The following TAFA1 variants were observed in gnomAD, a reference collection of about 807,000 sequenced individuals.
TAFA1 encodes TAFA chemokine like family member 1.
Under a neutral mutation model 18.5 loss-of-function variants are expected in TAFA1, and 4 were observed. The observed-to-expected ratio is 0.22, with a 90% CI of 0.11 to 0.49. The LOEUF (loss-of-function observed/expected upper bound fraction) is 0.49. TAFA1 is among the 20% of genes least tolerant of loss of function. TAFA1 has a pLI of 0.98. For synonymous variants in TAFA1, 56 were observed against 55.2 expected, an observed-to-expected ratio of 1.01 and a Z score of -0.06; for missense variants, 147 against 169.0, an observed-to-expected ratio of 0.87 and a Z score of 0.72.
At chr3:68,034,258 G>C (rs1704999061) in intron 2 of TAFA1, among the ~76,000 whole-genome samples, 1 of 152,172 alleles carries the variant, frequency 6.6e-6, no homozygotes, top group South Asian at 2.1e-4. Flanking sequence ...ATAGGATGCT[G>C]TTAACTATGA....
chr3:68,351,753 T>C (rs1446998850), intron 2 of TAFA1, among the ~76,000 whole-genome samples: 1 of 152,012 alleles, frequency 6.6e-6, no homozygotes, highest in Non-Finnish European at 1.5e-5. Context: ...ATTCCTCTGG[T>C]ATCATCTCCA....
intron 2 of TAFA1, among the ~76,000 whole-genome samples, chr3:68,319,125 G>T (rs1168660222): frequency 1.3e-5 from 2 of 152,258 alleles, no homozygotes; most frequent in Non-Finnish European, 1.5e-5. Context: ...ACATAAAAGA[G>T]ATAGTTATAA....
chr3:68,488,987 C>A (rs1263167732), intron 3 of TAFA1, among the ~76,000 whole-genome samples: 12 of 152,146 alleles, frequency 7.9e-5, no homozygotes, highest in Admixed American at 7.9e-4. Context: ...GAGCTAAGTG[C>A]TTTATTTTCA....
At chr3:68,488,567 G>A (rs2106675263) in intron 3 of TAFA1, among the ~76,000 whole-genome samples, 1 of 152,284 alleles carries the variant, frequency 6.6e-6, no homozygotes, top group Non-Finnish European at 1.5e-5. Flanking sequence ...TCCTATTTGG[G>A]TTCAAGTCCA....
intron 2 of TAFA1, among the ~76,000 whole-genome samples, chr3:68,301,759 G>A (rs4575904): frequency 6.6e-6 from 1 of 151,974 alleles, no homozygotes; most frequent in African/African-American, 2.4e-5. Flanking sequence ...GTCAGAAGTC[G>A]GTCAGATGAC....
intron 2 of TAFA1, among the ~76,000 whole-genome samples, chr3:68,218,333 A>G (rs946930526): frequency 3.9e-5 from 6 of 152,134 alleles, no homozygotes; most frequent in African/African-American, 1.4e-4. Context: ...TGATGTACTT[A>G]GAAGGATCAA....
intron 2 of TAFA1, among the ~76,000 whole-genome samples, chr3:68,315,105 A>AT (rs949064620): frequency 1.3e-5 from 2 of 152,024 alleles, no homozygotes; most frequent in Admixed American, 1.3e-4. Flanking sequence ...GGCCCCAACC[A>AT]TTTTTCTAAG....
intron 3 of TAFA1, among the ~76,000 whole-genome samples, chr3:68,435,399 C>T (rs1005060647): frequency 3.3e-5 from 5 of 152,066 alleles, no homozygotes; most frequent in African/African-American, 1.2e-4. Context: ...TGAAACTGCC[C>T]AAGAGCAGTG....
At chr3:68,341,239 G>C (rs188750776) in intron 2 of TAFA1, among the ~76,000 whole-genome samples, 3 of 152,246 alleles carry the variant, frequency 2.0e-5, no homozygotes, top group African/African-American at 7.2e-5. Context: ...GTGGTTAGGG[G>C]CTCAAGAAGT....
chr3:68,075,771 A>G (rs930384488), intron 2 of TAFA1, among the ~76,000 whole-genome samples: 1 of 148,202 alleles, frequency 6.7e-6, no homozygotes, highest in Admixed American at 6.9e-5. Context: ...ATCTTGGCTC[A>G]CTGCAGCTTT....
chr3:68,329,816 A>G (rs2068834228), intron 2 of TAFA1, among the ~76,000 whole-genome samples: 1 of 152,206 alleles, frequency 6.6e-6, no homozygotes, highest in Non-Finnish European at 1.5e-5. Context: ...TTCTGTGCTG[A>G]GAGATAGAGA....
chr3:68,455,932 A>G (rs1480952063), intron 3 of TAFA1, among the ~76,000 whole-genome samples: 1 of 152,130 alleles, frequency 6.6e-6, no homozygotes, highest in African/African-American at 2.4e-5. Flanking sequence ...AGCCTTTTAA[A>G]GGTCCTTATG....
rs564532862 is a variant in TAFA1 at position 68,354,442 on chromosome 3, C to T, written c.119-62838C>T. 1.1e-4 allele frequency among the ~76,000 whole-genome samples: 17 copies of T among 152,002 alleles called. No individual in the cohort carries two copies. The East Asian group carries it at 2.3e-3, about 21-fold the overall frequency. On this transcript the variant is annotated intron_variant, in intron 2 of 4. Transcript: ENST00000478136. ...ATGTGCCTTCATTTTCCCCAATCTCCGCTACTCTCTATTGCCTCCCAGACA... is the reference window on the plus strand; with the variant it reads ...ATGTGCCTTCATTTTCCCCAATCTCTGCTACTCTCTATTGCCTCCCAGACA...
chr3:68,295,988 TCATGTTATATAAGATAAAGAG>T (rs2068200522), intron 2 of TAFA1, among the ~76,000 whole-genome samples: 1 of 152,004 alleles, frequency 6.6e-6, no homozygotes, highest in African/African-American at 2.4e-5. Flanking sequence ...GAAAACAAAA[TCATGTTATATAAGATAAAGAG>T]CTTTGATTCT....
chr3:68,452,532 A>AAC (rs2071581998), intron 3 of TAFA1, among the ~76,000 whole-genome samples: 2 of 151,396 alleles, frequency 1.3e-5, no homozygotes, highest in Non-Finnish European at 2.9e-5. Flanking sequence ...CAAAAAAAAA[A>AAC]AAAAAAAAAC....
At chr3:68,090,685 A>G (rs1397527765) in intron 2 of TAFA1, among the ~76,000 whole-genome samples, 2 of 152,094 alleles carry the variant, frequency 1.3e-5, no homozygotes, top group Non-Finnish European at 2.9e-5. Context: ...GCTATTTACT[A>G]CTGTTTTTAT....
At chr3:68,430,222 G>A (rs144390761) in intron 3 of TAFA1, among the ~76,000 whole-genome samples, 63 of 152,070 alleles carry the variant, frequency 4.1e-4, no homozygotes, top group Non-Finnish European at 6.3e-4. Context: ...CCGTGAAGAC[G>A]TGACAGGAAG....
intron 2 of TAFA1, among the ~76,000 whole-genome samples, chr3:68,267,906 A>C (rs2067580038): frequency 6.6e-6 from 1 of 152,160 alleles, no homozygotes; most frequent in Admixed American, 6.6e-5. Context: ...TTGTCAGATA[A>C]TTTTAAGGCT....
intron 2 of TAFA1, among the ~76,000 whole-genome samples, chr3:68,295,821 G>T (rs2068197744): frequency 6.6e-6 from 1 of 152,042 alleles, no homozygotes; most frequent in South Asian, 2.1e-4. Context: ...TGTTGCCCAG[G>T]CTAGTCTCTA....
Sources: gnomAD v4.1 joint callset for allele counts (sites outside exome capture counted in the v4.1 genomes callset) on GRCh38, gnomAD v4.1.1 for gene constraint, MANE v1.5 for transcripts, NCBI Gene and HGNC (gene_info 2026-07-23, HGNC 2026-07-21) for gene names.